The following PAX7 variants were observed in gnomAD, a reference collection of about 807,000 sequenced individuals.
PAX7 encodes the protein paired box protein Pax-7.
A neutral mutation model predicts 50.7 loss-of-function variants in PAX7; 18 were observed. The observed-to-expected ratio is 0.36, with a 90% confidence interval of 0.25 to 0.53. PAX7 has a LOEUF of 0.53. Among genes scored for constraint, PAX7 ranks in the 20% least tolerant of loss-of-function variants. PAX7 has a pLI of 0.93. For synonymous variants in PAX7, 310 were observed against 290.4 expected, an observed-to-expected ratio of 1.07 and a Z score of -0.69; for missense variants, 644 against 702.9, an observed-to-expected ratio of 0.92 and a Z score of 0.95.
At chr1:18,704,120 A>G (rs2089255950) in intron 7 of PAX7, among the ~76,000 whole-genome samples, 1 of 152,210 alleles carries the variant, frequency 6.6e-6, no homozygotes, top group East Asian at 1.9e-4. Context: ...TGGCCCTCCC[A>G]GTGTCAGGAC....
chr1:18,727,772 G>A (rs1039016725), intron 7 of PAX7, among the ~76,000 whole-genome samples: 3 of 152,166 alleles, frequency 2.0e-5, no homozygotes, highest in Non-Finnish European at 2.9e-5. Flanking sequence ...GGGCTGGGTC[G>A]GGAGAGGGAA....
chr1:18,641,066 C>A (rs1277669246), intron 4 of PAX7, among the ~76,000 whole-genome samples: 1 of 152,248 alleles, frequency 6.6e-6, no homozygotes, highest in Non-Finnish European at 1.5e-5. Flanking sequence ...ATTACAAAGG[C>A]AAACACTGGC....
At chr1:18,664,490 A>G (rs975102023) in intron 4 of PAX7, among the ~76,000 whole-genome samples, 7 of 152,220 alleles carry the variant, frequency 4.6e-5, no homozygotes, top group African/African-American at 1.7e-4. Context: ...ACGAAAGTCC[A>G]GTTACCAGGC....
Position 18,636,465 on chromosome 1 carries a change from G to A in PAX7, c.586+94G>A. On this transcript the variant is annotated intron_variant, in intron 4 of 8. Coordinates refer to ENST00000420770, the MANE Select transcript of PAX7 (RefSeq NM_001135254.2). The surrounding 1 kb of genome is among the most constrained non-coding windows in gnomAD (Gnocchi z 5.1). ...GTTCGCTCCCGCCGCCGGAGCAGGC[G>A]ACCAGAACTCCAGCGGAGAAACTCT... 7.0e-7 allele frequency: 1 copy of A among 1,435,148 alleles called. No individual in the cohort carries two copies. The highest frequency in any genetic ancestry group is 2.3e-5 in the East Asian group (1 of 43,638). The allele number at this position is 1,435,148 out of a possible 1,614,324, so 88.9% of individuals were successfully genotyped here.
At position 18,691,943 on chromosome 1, in the gene PAX7, C is replaced by A; in HGVS notation, c.776C>A (p.Ala259Glu). 1 of 1,613,172 alleles carries A rather than the reference C, an allele frequency of 6.2e-7. No homozygotes were observed. Among genetic ancestry groups the A allele is most frequent in the Non-Finnish European group, 8.5e-7 (1 of 1,179,692 alleles). ...ELAQRTKLTE[A>E]RVQVWFSNRR... ...GCGCAGAGGACCAAGCTGACAGAGG[C>A]GCGTGTGCAGGTGAGGAGGCACCTG... is the stretch of plus-strand genomic sequence containing the variant. The change falls in exon 5 of 9, where the codon GCG becomes GAG. Residue 259 changes from alanine to glutamate, a missense_variant. Transcript: ENST00000420770.
chr1:18,733,773 C>T (rs1411231961), intron 7 of PAX7, among the ~76,000 whole-genome samples: 1 of 152,210 alleles, frequency 6.6e-6, no homozygotes, highest in African/African-American at 2.4e-5. Context: ...CTAAAGTGAT[C>T]AGATGCCTCA....
At chr1:18,699,390 A>G (rs1205052590) in intron 5 of PAX7, among the ~76,000 whole-genome samples, 1 of 152,150 alleles carries the variant, frequency 6.6e-6, no homozygotes, top group Non-Finnish European at 1.5e-5. Flanking sequence ...TCTGAAGGCC[A>G]AAGAGCCAGC....
intron 8 of PAX7, among the ~76,000 whole-genome samples, chr1:18,739,425 A>G (rs1439873475): frequency 6.6e-6 from 1 of 152,248 alleles, no homozygotes; most frequent in African/African-American, 2.4e-5. Context: ...TAAGATATAA[A>G]TATACAAAAT....
At chr1:18,706,739 T>C (rs1016978175) in intron 7 of PAX7, among the ~76,000 whole-genome samples, 2 of 152,188 alleles carry the variant, frequency 1.3e-5, no homozygotes, top group African/African-American at 4.8e-5. Context: ...CACCTTGGCC[T>C]CCCAAAGTGC....
intron 7 of PAX7, among the ~76,000 whole-genome samples, chr1:18,717,199 G>A (rs1403994559): frequency 3.3e-5 from 5 of 152,154 alleles, no homozygotes; most frequent in Non-Finnish European, 7.4e-5. Flanking sequence ...AATTCCCGCT[G>A]CCCGGGCCTG....
rs540623973 is a variant in PAX7, at chr1:18,739,041, G to A, written c.1402+3163G>A. Among the ~76,000 whole-genome samples the A allele has an allele frequency of 1.1e-4, 16 of 152,228 alleles. No individual in the cohort carries two copies. The East Asian group carries it at 1.2e-3, about 11-fold the overall frequency. On this transcript the variant is annotated intron_variant, in intron 8 of 8. Coordinates refer to ENST00000420770, the MANE Select transcript of PAX7 (RefSeq NM_001135254.2). ...GAGTCCCATGTCCTGGACTGTGCCC[G>A]CCTATGCCCAGGTCCATCTGTCCTC...
intron 4 of PAX7, among the ~76,000 whole-genome samples, chr1:18,675,708 C>T (rs765137694): frequency 5.9e-5 from 9 of 152,204 alleles, no homozygotes; most frequent in Admixed American, 1.3e-4. Context: ...CATTTTCTGT[C>T]GCAGCTCTCA....
intron 7 of PAX7, among the ~76,000 whole-genome samples, chr1:18,703,637 C>T (rs1459020121): frequency 6.6e-6 from 1 of 152,240 alleles, no homozygotes; most frequent in Non-Finnish European, 1.5e-5. Context: ...TTAGAAGTCA[C>T]AGGACCTGCT....
chr1:18,731,933 C>G (rs1193984079), intron 7 of PAX7, among the ~76,000 whole-genome samples: 2 of 152,184 alleles, frequency 1.3e-5, no homozygotes, highest in Non-Finnish European at 2.9e-5. Context: ...ACTGCACAAG[C>G]CCTCGCAGCT....
intron 4 of PAX7, among the ~76,000 whole-genome samples, chr1:18,691,464 G>T (rs1006630372): frequency 6.6e-6 from 1 of 152,206 alleles, no homozygotes; most frequent in Admixed American, 6.5e-5. Context: ...AACCAGAGGG[G>T]ACTGTTTTGT....
intron 4 of PAX7, among the ~76,000 whole-genome samples, chr1:18,684,386 A>G (rs1389203972): frequency 6.6e-6 from 1 of 152,108 alleles, no homozygotes; most frequent in Non-Finnish European, 1.5e-5. Context: ...CTGTAATGGG[A>G]CGCTTCATCC....
chr1:18,717,704 A>G (rs764895367), intron 7 of PAX7, among the ~76,000 whole-genome samples: 4 of 152,206 alleles, frequency 2.6e-5, no homozygotes, highest in Non-Finnish European at 5.9e-5. Context: ...CCTGGCACGA[A>G]GTAGGTGCCC....
intron 5 of PAX7, among the ~76,000 whole-genome samples, chr1:18,699,246 T>C (rs990078291): frequency 2.0e-5 from 3 of 152,030 alleles, no homozygotes; most frequent in African/African-American, 7.3e-5. Flanking sequence ...AAGAAACAGA[T>C]ATATAGAATC....
intron 4 of PAX7, among the ~76,000 whole-genome samples, chr1:18,656,512 A>G (rs72648796): frequency 0.088 from 13,342 of 152,076 alleles, 699 homozygotes; most frequent in East Asian, 0.12. Flanking sequence ...AAATAAATAA[A>G]TAAAATGTAA....
Sources: allele counts gnomAD v4.1 joint callset (sites outside exome capture counted in the v4.1 genomes callset), GRCh38; gene constraint gnomAD v4.1.1; non-coding constraint Gnocchi (gnomAD v3.1); transcripts MANE v1.5; gene names NCBI Gene and HGNC (gene_info 2026-07-23, HGNC 2026-07-21).